Variants in RNF24 observed in about 807,000 individuals in gnomAD.
RNF24 encodes ring finger protein 24.
RNF24 carries 14 observed loss-of-function variants against 20.0 expected under a neutral mutation model. That is an observed-to-expected ratio of 0.70 (90% CI 0.46 to 1.10). RNF24 has a LOEUF of 1.10. RNF24 is among the 50% of genes least tolerant of loss of function. The probability of loss-of-function intolerance (pLI) is 0.00; values close to 1 mark genes in which losing one functional copy is unlikely to be tolerated. For synonymous variants in RNF24, 45 were observed against 61.1 expected, an observed-to-expected ratio of 0.74 and a Z score of 1.23; for missense variants, 124 against 177.6, an observed-to-expected ratio of 0.70 and a Z score of 1.71.
At chr20:3,967,225 C>A (rs1383055208) in intron 1 of RNF24, among the ~76,000 whole-genome samples, 2 of 152,128 alleles carry the variant, frequency 1.3e-5, no homozygotes, top group African/African-American at 4.8e-5. Context: ...AATATGCATT[C>A]TTTGCTATTG....
At chr20:3,976,514 T>G (rs1167996768) in intron 1 of RNF24, among the ~76,000 whole-genome samples, 1 of 152,202 alleles carries the variant, frequency 6.6e-6, no homozygotes, top group Non-Finnish European at 1.5e-5. Flanking sequence ...ACTCAGCAGT[T>G]GCACTCCTGG....
At chr20:3,940,537 CT>C (rs1370253121) in intron 4 of RNF24, among the ~76,000 whole-genome samples, 1 of 151,820 alleles carries the variant, frequency 6.6e-6, no homozygotes, top group African/African-American at 2.4e-5. Context: ...GAAATAATGG[CT>C]AAAAACTTCC....
At chr20:4,000,432 G>A (rs1182685109) in intron 1 of RNF24, among the ~76,000 whole-genome samples, 1 of 152,180 alleles carries the variant, frequency 6.6e-6, no homozygotes, top group East Asian at 1.9e-4. Flanking sequence ...GGCTGAGGCA[G>A]GAAAATTGCT....
At chr20:4,009,488 C>T (rs765094373) in intron 1 of RNF24, among the ~76,000 whole-genome samples, 6 of 151,982 alleles carry the variant, frequency 3.9e-5, no homozygotes, top group Non-Finnish European at 7.4e-5. Context: ...AGCTTGCCTC[C>T]GACAGGAGAC....
chr20:4,012,092 C>G (rs191138599), intron 1 of RNF24, among the ~76,000 whole-genome samples: 32 of 152,214 alleles, frequency 2.1e-4, no homozygotes, highest in Admixed American at 4.6e-4. Context: ...TATTACTGAT[C>G]TTAGAATAAA....
chr20:4,008,344 TACATGTA>T (rs1568672154), intron 1 of RNF24, among the ~76,000 whole-genome samples: 9 of 89,940 alleles, frequency 1.0e-4, no homozygotes, highest in South Asian at 2.7e-4. Context: ...ATATATATTA[TACATGTA>T]ATATGTATAA....
chr20:4,006,992 T>C (rs1428199338), intron 1 of RNF24, among the ~76,000 whole-genome samples: 1 of 152,242 alleles, frequency 6.6e-6, no homozygotes, highest in Non-Finnish European at 1.5e-5. Context: ...TTTAGAACCC[T>C]CAATTTACCC....
intron 2 of RNF24, among the ~76,000 whole-genome samples, chr20:3,954,212 C>T (rs867490857): frequency 1.3e-5 from 2 of 152,292 alleles, no homozygotes; most frequent in Middle Eastern, 3.4e-3. Flanking sequence ...TCCAACAAAA[C>T]ACCTGGTACC....
chr20:3,960,184 G>C (rs1044906436), intron 2 of RNF24, among the ~76,000 whole-genome samples: 1 of 152,126 alleles, frequency 6.6e-6, no homozygotes, highest in African/African-American at 2.4e-5. Context: ...CTGGAGAACA[G>C]AAGAACCTCC....
chr20:3,953,467 C>T lies in RNF24; in HGVS notation c.144-5188G>A, dbSNP rs111834162. ...GTGCCTGGCCCAAAACACATTCTCTCTTTTTTTTTTTTTTTGAGACGGAGT... is the reference window on the plus strand; with the variant it reads ...GTGCCTGGCCCAAAACACATTCTCTTTTTTTTTTTTTTTTTGAGACGGAGT... On this transcript the variant is annotated intron_variant, in intron 2 of 5. Transcript: ENST00000358395. 8.7e-3 allele frequency among the ~76,000 whole-genome samples: 1,115 copies of T among 128,404 alleles called. 15 individuals are homozygous for T. The highest frequency in any genetic ancestry group is 0.03 in the African/African-American group (1,043 of 34,834). 84.2% of individuals were successfully genotyped at this position (128,404 alleles called of 152,430 possible).
intron 1 of RNF24, among the ~76,000 whole-genome samples, chr20:3,981,834 T>C (rs781147625): frequency 7.9e-5 from 12 of 152,300 alleles, no homozygotes; most frequent in East Asian, 3.9e-4. Flanking sequence ...AAATATTCTA[T>C]TGGGCCGGGC....
At chr20:3,967,737 TG>T (rs1254379074) in intron 1 of RNF24, among the ~76,000 whole-genome samples, 1 of 152,176 alleles carries the variant, frequency 6.6e-6, no homozygotes, top group Non-Finnish European at 1.5e-5. Flanking sequence ...GGCTCATGCC[TG>T]TAATCCCAGC....
At chr20:3,977,842 C>T (rs1230858032) in intron 1 of RNF24, among the ~76,000 whole-genome samples, 1 of 139,252 alleles carries the variant, frequency 7.2e-6, no homozygotes, top group Non-Finnish European at 1.5e-5. Flanking sequence ...CCAGCCTGGG[C>T]GACACAGCGA....
chr20:3,996,852 T>A (rs926656194), intron 1 of RNF24, among the ~76,000 whole-genome samples: 4 of 152,134 alleles, frequency 2.6e-5, no homozygotes, highest in African/African-American at 9.7e-5. Context: ...AAGAGAGAAC[T>A]AGGAGTAAGT....
Position 3,998,887 on chromosome 20 carries a change from A to G in RNF24, c.-8+16550T>C, listed in dbSNP as rs369777897. ...CTGAGGTCAGGAGGTCAAGACCAGC[A>G]TGGTCATCATGGCAAAACCCCATCT... On this transcript the variant is annotated intron_variant, in intron 1 of 5. Coordinates refer to ENST00000358395, the MANE Select transcript of RNF24 (RefSeq NM_001134337.3). Among the ~76,000 whole-genome samples the G allele has an allele frequency of 5.1e-4, 77 of 151,460 alleles. 1 individual carries two copies. The East Asian group carries it at 0.014, about 27-fold the overall frequency.
chr20:4,003,854 G>A (rs989594608), intron 1 of RNF24, among the ~76,000 whole-genome samples: 3 of 152,004 alleles, frequency 2.0e-5, no homozygotes, highest in African/African-American at 4.8e-5. Flanking sequence ...ATGTTGGACA[G>A]GCTGGTCTCA....
chr20:3,970,521 T>A (rs528425757), intron 1 of RNF24, among the ~76,000 whole-genome samples: 75 of 152,214 alleles, frequency 4.9e-4, no homozygotes, highest in African/African-American at 1.7e-3. Flanking sequence ...ATGACAAAAA[T>A]GTTAAAATTA....
At chr20:3,997,673 G>C (rs1217500404) in intron 1 of RNF24, among the ~76,000 whole-genome samples, 2 of 151,988 alleles carry the variant, frequency 1.3e-5, no homozygotes, top group Admixed American at 1.3e-4. Flanking sequence ...TGATCTTCCT[G>C]CTTTGGCATC....
intron 1 of RNF24, among the ~76,000 whole-genome samples, chr20:3,973,518 A>G (rs1978572774): frequency 1.4e-5 from 2 of 146,170 alleles, no homozygotes; most frequent in South Asian, 2.2e-4. Context: ...AAAAAAAAAA[A>G]AAAAAAAGAG....
Sources: gnomAD v4.1 joint callset for allele counts (sites outside exome capture counted in the v4.1 genomes callset) on GRCh38, gnomAD v4.1.1 for gene constraint, MANE v1.5 for transcripts, NCBI Gene and HGNC (gene_info 2026-07-23, HGNC 2026-07-21) for gene names.